DNAH17: variants seen among roughly 807,000 people sequenced by gnomAD.
DNAH17 encodes the protein axonemal beta dynein heavy chain 17.
Under a neutral mutation model 485.6 loss-of-function variants are expected in DNAH17, and 376 were observed. The observed-to-expected ratio is 0.77, with a 90% CI of 0.71 to 0.84. The LOEUF is 0.84. Among genes scored for constraint, DNAH17 ranks in the 40% least tolerant of loss-of-function variants. The pLI is 0.00. For missense variants in DNAH17, 6,370 were observed against 5,839.3 expected (o/e 1.09, Z -2.96); for synonymous variants, 3,031 against 2,405.9 (o/e 1.26, Z -7.60).
At position 78,449,455 on chromosome 17, in the gene DNAH17, C is replaced by T. The variant is rs760434907; in HGVS notation, c.11170G>A (p.Glu3724Lys). Residue 3724 changes from glutamate (E) to lysine (K), a missense_variant, in exon 69 of 81, where the codon GAG becomes AAG. By Grantham distance (56) the Glu-to-Lys change is moderately conservative. Coordinates refer to ENST00000389840, the MANE Select transcript of DNAH17 (RefSeq NM_173628.4). ...GCCAGGAAAATGAGTTTGTCCCTCT[C>T]GAAGAGTCCCCGGGCCGTGTACATG... ...VYMYTARGLF[E>K]RDKLIFLAQV... The T allele has an allele frequency of 3.5e-5, 54 of 1,553,620 alleles. No individual in the cohort carries two copies. The highest frequency in any genetic ancestry group is 4.3e-5 in the Non-Finnish European group (49 of 1,148,214).
At chr17:78,430,693 G>A (rs1055798709) in intron 75 of DNAH17, among the ~76,000 whole-genome samples, 6 of 151,392 alleles carry the variant, frequency 4.0e-5, no homozygotes, top group African/African-American at 1.5e-4. Flanking sequence ...CAATTCTCCT[G>A]CCTCAGCCTT....
At position 78,501,729 on chromosome 17, in the gene DNAH17, G is replaced by C. The variant is rs77262614; in HGVS notation, c.5322+13C>G. On this transcript the variant is annotated intron_variant, in intron 34 of 80. Coordinates refer to ENST00000389840, the MANE Select transcript of DNAH17 (RefSeq NM_173628.4). ...TGCCCTTCCCCTGGCCCCTGGGACA[G>C]GGGCGCTCATGCCTTGGCCACGATC... 3,526 of 1,611,166 alleles carry C rather than the reference G, an allele frequency of 2.2e-3. 74 individuals are homozygous for C. In the African/African-American group the frequency reaches 0.042, roughly 19 times the overall value.
At chr17:78,459,356 C>A (rs1245977261) in intron 60 of DNAH17, 148 bp from the exon 61 acceptor site, 1 of 762,794 alleles carries the variant, frequency 1.3e-6, no homozygotes, top group Non-Finnish European at 2.2e-6. Context: ...TAGAGGCCAC[C>A]CCCCACCGGC....
chr17:78,503,590 G>T (rs572717553), intron 31 of DNAH17, among the ~76,000 whole-genome samples: 6 of 152,070 alleles, frequency 3.9e-5, no homozygotes, highest in African/African-American at 1.4e-4. Context: ...GGGCTCAAGC[G>T]ATGCTTCCAC....
Position 78,537,287 on chromosome 17 carries a change from G to T in DNAH17, c.2859+12C>A. 1 of 1,555,034 alleles carries T rather than the reference G, an allele frequency of 6.4e-7. No individual in the cohort carries two copies. The highest frequency in any genetic ancestry group is 8.7e-7 in the Non-Finnish European group (1 of 1,149,236). On this transcript the variant is annotated intron_variant, in intron 19 of 80. Transcript: ENST00000389840. ...ATGACCCTGTGTACGGCCAGAAGAGGCCAGGACTGACCTTGTAGTTCATCC... is the reference window on the plus strand; with the variant it reads ...ATGACCCTGTGTACGGCCAGAAGAGTCCAGGACTGACCTTGTAGTTCATCC...
At chr17:78,553,556 C>A (rs984692935) in intron 14 of DNAH17, among the ~76,000 whole-genome samples, 9 of 151,966 alleles carry the variant, frequency 5.9e-5, no homozygotes, top group Non-Finnish European at 1.2e-4. Flanking sequence ...CCCACCTTGG[C>A]CTCTCAAAGT....
rs781423546 is a variant in DNAH17 at position 78,507,717 on chromosome 17, C to T, written c.4325G>A (p.Ser1442Asn). The T allele has an allele frequency of 1.9e-6, 3 of 1,607,148 alleles. No individual in the cohort carries two copies. The highest frequency in any genetic ancestry group is 2.2e-5 in the South Asian group (2 of 90,856). Residue 1442 changes from serine (S) to asparagine (N), a missense_variant, in exon 28 of 81, where the codon AGC (serine) becomes AAC (asparagine). Ser to Asn is a conservative substitution (Grantham distance 46). Coordinates refer to ENST00000389840, the MANE Select transcript of DNAH17 (RefSeq NM_173628.4). ...CTCCAGCGTCTCCACCAGCACCTCG[C>T]TGGACTTGAGCATCATGGTGCCTGT... ...PRTGTMMLKS[S>N]EVLVETLEDN...
chr17:78,475,859 A>C, intron 52 of DNAH17, 26 bp from the exon 53 acceptor site: 1 of 1,605,900 alleles, frequency 6.2e-7, no homozygotes, highest in South Asian at 1.1e-5. Context: ...AAAAGACGAT[A>C]CTTCCGGTTT....
Position 78,499,121 on chromosome 17 carries a change from G to C in DNAH17, c.5641-9C>G. 3.8e-6 allele frequency: 6 copies of C among 1,564,576 alleles called. No individual in the cohort carries two copies. The highest frequency in any genetic ancestry group is 5.2e-6 in the Non-Finnish European group (6 of 1,155,592). On this transcript the variant is annotated splice_polypyrimidine_tract_variant and intron_variant, in intron 36 of 80. Transcript: ENST00000389840. The stretch of plus-strand genomic sequence containing the variant: ...TAGATATTTCCACAGGACTGGAAAG[G>C]GCGAGATGGAGAAAGGAAGAGCTGG...
intron 72 of DNAH17, among the ~76,000 whole-genome samples, chr17:78,439,654 T>G (rs1039954119): frequency 2.0e-5 from 3 of 148,396 alleles, no homozygotes; most frequent in Non-Finnish European, 3.0e-5. Context: ...GTAGCATGTA[T>G]CAGTACTTCA....
rs371214884 is a variant in DNAH17 at position 78,543,440 on chromosome 17, G to A, written c.2532+417C>T. On this transcript the variant is annotated intron_variant, in intron 17 of 80. Transcript: ENST00000389840. ...CAAGTAGCTGGGACTACAAGCGCCC[G>A]CCACCGCGCCCGGCTAATTTTTTGT... Among the ~76,000 whole-genome samples the A allele has an allele frequency of 2.6e-3, 398 of 152,134 alleles. 3 individuals carry two copies. The highest frequency in any genetic ancestry group is 8.8e-3 in the African/African-American group (365 of 41,474).
Position 78,570,989 on chromosome 17 carries a change from G to C in DNAH17, c.877C>G (p.Arg293Gly), listed in dbSNP as rs867799541. The C allele has an allele frequency of 1.3e-6, 2 of 1,584,350 alleles. No individual in the cohort carries two copies. The highest frequency in any genetic ancestry group is 1.3e-5 in the African/African-American group (1 of 74,202). The change falls in exon 6 of 81, where the codon CGG becomes GGG. Residue 293 changes from arginine to glycine, a missense_variant. Physicochemically the swap from Arg to Gly is moderately radical, Grantham distance 125. Coordinates refer to ENST00000389840, the MANE Select transcript of DNAH17 (RefSeq NM_173628.4). ...NDIVLYLKPL[R>G]ILLEEMEQAD... is the part of the protein sequence containing the mutation. ...TGTTCCATCTCCTCCAGCAGGATCC[G>C]TAGGGGCTTCAAATAGAGCACGATG...
Position 78,509,021 on chromosome 17 carries a change from C to T in DNAH17, c.4237-1216G>A, listed in dbSNP as rs1366993439. ...TCACTTTGTCACCCAGGCTGGACTG[C>T]AGTGGCGCGATCTCAGCTCACTGCA... On this transcript the variant is annotated intron_variant, in intron 27 of 80. Coordinates refer to ENST00000389840, the MANE Select transcript of DNAH17 (RefSeq NM_173628.4). Among the ~76,000 whole-genome samples the T allele has an allele frequency of 5.5e-5, 7 of 127,878 alleles. 1 individual carries two copies. Among genetic ancestry groups the T allele is most frequent in the Admixed American group, 5.4e-4 (7 of 12,858 alleles). 83.9% of individuals were successfully genotyped at this position (127,878 alleles called of 152,430 possible).
intron 25 of DNAH17, among the ~76,000 whole-genome samples, chr17:78,523,011 G>A (rs1038872652): frequency 1.5e-4 from 23 of 152,060 alleles, no homozygotes; most frequent in Non-Finnish European, 2.8e-4. Context: ...ACACCACCAC[G>A]CCCAGCTAAT....
At chr17:78,537,844 T>C (rs1047920461) in intron 18 of DNAH17, among the ~76,000 whole-genome samples, 4 of 152,214 alleles carry the variant, frequency 2.6e-5, no homozygotes, top group African/African-American at 9.6e-5. Flanking sequence ...TTTTATAGAA[T>C]GGAGACATTG....
intron 70 of DNAH17, among the ~76,000 whole-genome samples, chr17:78,445,025 A>C (rs2087222350): frequency 1.3e-5 from 2 of 152,124 alleles, no homozygotes; most frequent in Admixed American, 1.3e-4. Flanking sequence ...ACCTGCGGAC[A>C]TGAGGCCTGG....
In DNAH17 at chr17:78,466,738, C is replaced by T. The variant is rs558526708; in HGVS notation, c.8857G>A (p.Ala2953Thr). 9.3e-6 allele frequency: 15 copies of T among 1,612,938 alleles called. No individual in the cohort carries two copies. In the South Asian group the frequency reaches 1.5e-4, roughly 17 times the overall value. Reference protein sequence around the residue: ...RKFPAVVNCTAIDWFHEWPED... With the variant: ...RKFPAVVNCTTIDWFHEWPED... ...GGCCACTCGTGGAACCAGTCGATGG[C>T]CGTGCAGTTGACCACAGCTGGGAAC... is the stretch of plus-strand genomic sequence containing the variant. The change falls in exon 56 of 81, where the codon GCC becomes ACC. Residue 2953 changes from alanine to threonine, a missense_variant. Transcript: ENST00000389840.
At chr17:78,467,457 C>T (rs750579996) in intron 55 of DNAH17, among the ~76,000 whole-genome samples, 2 of 152,232 alleles carry the variant, frequency 1.3e-5, no homozygotes, top group Non-Finnish European at 2.9e-5. Flanking sequence ...CCGGCACTGG[C>T]AGGGCACCAA....
intron 55 of DNAH17, among the ~76,000 whole-genome samples, chr17:78,468,369 A>G (rs1044422057): frequency 6.6e-6 from 1 of 152,000 alleles, no homozygotes; most frequent in Non-Finnish European, 1.5e-5. Context: ...CTGGAATCCA[A>G]CCTCCTCAGA....
Sources: allele counts gnomAD v4.1 joint callset (sites outside exome capture counted in the v4.1 genomes callset), GRCh38; gene constraint gnomAD v4.1.1; transcripts MANE v1.5; gene names NCBI Gene and HGNC (gene_info 2026-07-23, HGNC 2026-07-21).